DENND3: variants seen among roughly 807,000 people sequenced by gnomAD.
The protein encoded by DENND3 is DENN domain containing 3, also known as DENN domain-containing protein 3.
Under a neutral mutation model 135.1 loss-of-function variants are expected in DENND3, and 88 were observed. The ratio of observed to expected loss-of-function variants is 0.65; its 90% CI spans 0.55 to 0.78. The LOEUF (loss-of-function observed/expected upper bound fraction) is 0.78. Among genes scored for constraint, DENND3 ranks in the 30% least tolerant of loss-of-function variants. DENND3 has a pLI of 0.00. For missense variants in DENND3, 1,392 were observed against 1,688.4 expected (o/e 0.82, Z 3.08); for synonymous variants, 693 against 712.3 (o/e 0.97, Z 0.43).
In DENND3 at chr8:141,174,504, G is replaced by A. The variant is rs948371053; in HGVS notation, c.2276-696G>A. Among the ~76,000 whole-genome samples the A allele has an allele frequency of 1.3e-5, 2 of 152,132 alleles. No homozygotes were observed. The highest frequency in any genetic ancestry group is 2.9e-5 in the Non-Finnish European group (2 of 68,020). On this transcript the variant is annotated intron_variant, in intron 13 of 22. Transcript: ENST00000519811. This position sits in a 1 kb window ranked among gnomAD's most constrained non-coding sequence, Gnocchi z 4.6. ...TTTCCGAGGGGTCGTCCCATCTCCCGCTGACAGATAAGCAGGTTCGTTCCG... is the reference window on the plus strand; with the variant it reads ...TTTCCGAGGGGTCGTCCCATCTCCCACTGACAGATAAGCAGGTTCGTTCCG...
At chr8:141,158,349 G>T (rs1819701590) in intron 8 of DENND3, 1 of 1,209,988 alleles carries the variant, frequency 8.3e-7, no homozygotes, top group South Asian at 1.4e-5. Context: ...ACTGAGCTTT[G>T]TGAGACTGTG....
intron 9 of DENND3, among the ~76,000 whole-genome samples, chr8:141,161,338 A>C (rs888272534): frequency 6.6e-6 from 1 of 152,202 alleles, no homozygotes; most frequent in Non-Finnish European, 1.5e-5. Flanking sequence ...TGGGGCACTC[A>C]AGATGTGCCT....
At chr8:141,192,788 C>T in intron 22 of DENND3, 125 bp downstream of exon 22, 1 of 1,591,030 alleles carries the variant, frequency 6.3e-7, no homozygotes, top group Non-Finnish European at 8.5e-7. Context: ...CTCAGGGTTC[C>T]CCTCCTAACA....
In DENND3 at chr8:141,192,536, T is replaced by C. The variant is rs1160988743; in HGVS notation, c.3509T>C (p.Leu1170Pro). 6.3e-7 allele frequency: 1 copy of C among 1,595,330 alleles called. No individual in the cohort carries two copies. The highest frequency in any genetic ancestry group is 1.7e-5 in the Admixed American group (1 of 58,178). The change falls in exon 22 of 23, where the codon CTG becomes CCG. Residue 1170 changes from leucine to proline, a missense_variant. Leu to Pro is a moderately conservative substitution (Grantham distance 98, BLOSUM62 -3). Transcript: ENST00000519811. ...AFQLLPEEEQ[L>P]WAACAGRSEV... The stretch of plus-strand genomic sequence containing the variant: ...TGCCCTGCGTTTCAGGAGGAGCAGC[T>C]GTGGGCGGCCTGTGCAGGACGCAGC...
intron 8 of DENND3, chr8:141,157,516 G>C (rs761868671): frequency 1.5e-4 from 145 of 985,784 alleles, no homozygotes; most frequent in Non-Finnish European, 1.7e-4. Flanking sequence ...GGAGCGCTTA[G>C]GCTTTTTGCA....
At chr8:141,153,448 T>C (rs1158856024) in intron 7 of DENND3, among the ~76,000 whole-genome samples, 1 of 152,246 alleles carries the variant, frequency 6.6e-6, no homozygotes, top group Non-Finnish European at 1.5e-5. Context: ...GCGTGTGTCA[T>C]GCGCCCCTCA....
At chr8:141,158,106 A>G (rs1271417201) in intron 8 of DENND3, 1 of 1,253,494 alleles carries the variant, frequency 8.0e-7, no homozygotes, top group Non-Finnish European at 1.0e-6. Context: ...AAATTCCCTA[A>G]GGCCTTAAAG....
chr8:141,175,224 A>C lies in DENND3; in HGVS notation c.2300A>C (p.Glu767Ala), dbSNP rs781560736. 4 of 1,613,944 alleles carry C rather than the reference A, an allele frequency of 2.5e-6. No homozygotes were observed. The highest frequency in any genetic ancestry group is 3.4e-6 in the Non-Finnish European group (4 of 1,179,968). ...GGACAGGAGAAACAAATCGACCCAG[A>C]AACATTCAAAGATTTCTACAACTGC... ...TVGQEKQIDP[E>A]TFKDFYNCWK... Residue 767 changes from glutamate to alanine, a missense_variant, in exon 14 of 23, where the codon GAA (glutamate) becomes GCA (alanine). Physicochemically the swap from Glu to Ala is moderately radical, Grantham distance 107. Transcript: ENST00000519811. This position sits in a 1 kb window ranked among gnomAD's most constrained non-coding sequence, Gnocchi z 5.4.
chr8:141,153,024 T>G (rs568666391), intron 7 of DENND3, among the ~76,000 whole-genome samples: 2 of 152,310 alleles, frequency 1.3e-5, no homozygotes, highest in African/African-American at 4.8e-5. Context: ...TGGGCATCTT[T>G]TCCTGTGTTA....
At chr8:141,133,422 G>A (rs1163989147) in intron 1 of DENND3, among the ~76,000 whole-genome samples, 1 of 152,210 alleles carries the variant, frequency 6.6e-6, no homozygotes, top group Non-Finnish European at 1.5e-5. Flanking sequence ...GATGCTTCAA[G>A]GCTGGGTTGG....
rs1234872804 is a variant in DENND3, at chr8:141,184,076, C to G, written c.2945-1063C>G. On this transcript the variant is annotated intron_variant, in intron 17 of 22. Transcript: ENST00000519811. Reference sequence around the variant, plus strand: ...GGCTGTCTCAGAGGCTTCTTGCCATCTTCATGGCCGGACACGGCGCCTACA... The same window carrying G: ...GGCTGTCTCAGAGGCTTCTTGCCATGTTCATGGCCGGACACGGCGCCTACA... 5.3e-5 allele frequency among the ~76,000 whole-genome samples: 8 copies of G among 152,310 alleles called. No homozygotes were observed. In the East Asian group the frequency reaches 1.4e-3, roughly 26 times the overall value.
Position 141,139,720 on chromosome 8 carries a change from G to C in DENND3, c.502-1483G>C, listed in dbSNP as rs150570610. 1.7e-3 allele frequency among the ~76,000 whole-genome samples: 256 copies of C among 152,282 alleles called. 1 individual carries two copies. Among genetic ancestry groups the C allele is most frequent in the African/African-American group, 5.9e-3 (245 of 41,534 alleles). Reference sequence around the variant, plus strand: ...TAAATATAATACATATTAAAAAAAGGAGCAGTCCCTCTGGTTTGCATGAGT... The same window carrying C: ...TAAATATAATACATATTAAAAAAAGCAGCAGTCCCTCTGGTTTGCATGAGT... On this transcript the variant is annotated intron_variant, in intron 3 of 22. Transcript: ENST00000519811. The surrounding 1 kb of genome is among the most constrained non-coding windows in gnomAD (Gnocchi z 4.2).
At position 141,151,783 on chromosome 8, in the gene DENND3, C is replaced by T. The variant is rs1262297605; in HGVS notation, c.1020C>T (p.Ala340=). The T allele has an allele frequency of 1.2e-6, 2 of 1,614,114 alleles. No individual in the cohort carries two copies. Among genetic ancestry groups the T allele is most frequent in the African/African-American group, 2.7e-5 (2 of 74,926 alleles). Residue 340 remains alanine, a synonymous_variant, in exon 7 of 23, where the codon GCC becomes GCT. Coordinates refer to ENST00000519811, the MANE Select transcript of DENND3 (RefSeq NM_001352890.3). ...LSDQMLDFVM[A]PTSFLMGCHL... ...ACCAGATGCTGGATTTCGTCATGGC[C>T]CCCACGTCCTTCCTGATGGGCTGCC... is the stretch of plus-strand genomic sequence containing the variant.
rs1459073120 is a variant in DENND3 at position 141,157,531 on chromosome 8, G to C, written c.1196+1561G>C. On this transcript the variant is annotated intron_variant, in intron 8 of 22. Transcript: ENST00000519811. ...GGAGCGCTTAGGCTTTTTGCAAACA[G>C]CCGGGCTGTACTTGCTTCTGGTGAA... 1.1e-5 allele frequency: 11 copies of C among 985,788 alleles called. No individual in the cohort carries two copies. The Admixed American group carries it at 6.8e-4, about 61-fold the overall frequency. 61.1% of individuals were successfully genotyped at this position (985,788 alleles called of 1,614,324 possible).
chr8:141,177,155 A>C, intron 15 of DENND3: 1 of 182,704 alleles, frequency 5.5e-6, no homozygotes, highest in East Asian at 1.5e-4. Flanking sequence ...CAGTCACAGG[A>C]TTTGGAATTC....
In DENND3 at chr8:141,150,892, C is replaced by G. The variant is rs1369466042; in HGVS notation, c.794C>G (p.Pro265Arg). 3.1e-6 allele frequency: 5 copies of G among 1,610,024 alleles called. No individual in the cohort carries two copies. The highest frequency in any genetic ancestry group is 4.2e-6 in the Non-Finnish European group (5 of 1,179,022). Residue 265 changes from proline (P) to arginine (R), a missense_variant, in exon 6 of 23, where the codon CCC (proline) becomes CGC (arginine). Coordinates refer to ENST00000519811, the MANE Select transcript of DENND3 (RefSeq NM_001352890.3). ...VLPARADPES[P>R]ILDLDLHLPL... ...CCTGCCCGAGCAGACCCCGAAAGCCCCATCCTGGACCTGGACCTTCACCTG... is the reference window on the plus strand; with the variant it reads ...CCTGCCCGAGCAGACCCCGAAAGCCGCATCCTGGACCTGGACCTTCACCTG...
intron 15 of DENND3, 65 bp downstream of exon 15, chr8:141,176,826 G>A: frequency 2.5e-6 from 4 of 1,577,984 alleles, no homozygotes; most frequent in Non-Finnish European, 2.6e-6. Context: ...GCCACCTGTG[G>A]GTCCTGTGGC....
In DENND3 at chr8:141,188,988, C is replaced by G; in HGVS notation, c.3087C>G (p.Asn1029Lys). 1.2e-6 allele frequency: 2 copies of G among 1,613,328 alleles called. No individual in the cohort carries two copies. Among genetic ancestry groups the G allele is most frequent in the Non-Finnish European group, 1.7e-6 (2 of 1,179,714 alleles). The change falls in exon 19 of 23, where the codon AAC becomes AAG. Residue 1029 changes from asparagine (N) to lysine (K), a missense_variant and splice_region_variant. By Grantham distance (94) the Asn-to-Lys change is moderately conservative. Transcript: ENST00000519811. ...ACGTTCCCGTGGCCTCCTGTTAGAA[C>G]TGCATGGTGATGGCCGACCAGAACC... ...HSFKVGTAKVNCMVMADQNQV... is the reference protein window; with the variant it reads ...HSFKVGTAKVKCMVMADQNQV...
chr8:141,173,186 A>G (rs1327474745), intron 13 of DENND3, among the ~76,000 whole-genome samples: 2 of 152,390 alleles, frequency 1.3e-5, no homozygotes, highest in East Asian at 3.9e-4. Flanking sequence ...GGGGCTGCAG[A>G]GACCTGGCCT....
Sources: allele counts gnomAD v4.1 joint callset (sites outside exome capture counted in the v4.1 genomes callset), GRCh38; gene constraint gnomAD v4.1.1; non-coding constraint Gnocchi (gnomAD v3.1); transcripts MANE v1.5; gene names NCBI Gene and HGNC (gene_info 2026-07-23, HGNC 2026-07-21).